CNTNAP4: variants seen among roughly 807,000 people sequenced by gnomAD.
CNTNAP4 encodes the protein contactin associated protein family member 4.
CNTNAP4 carries 98 observed loss-of-function variants against 148.4 expected under a neutral mutation model. The observed-to-expected ratio is 0.66, with a 90% CI of 0.56 to 0.78. The LOEUF (loss-of-function observed/expected upper bound fraction) is 0.78, where lower values mean the gene tolerates loss of function less well. Among genes scored for constraint, CNTNAP4 ranks in the 30% least tolerant of loss-of-function variants. The pLI, the probability that CNTNAP4 is intolerant of heterozygous loss-of-function variation, is 0.00. For missense variants in CNTNAP4, 1,935 were observed against 1,565.6 expected, an observed-to-expected ratio of 1.24 and a Z score of -3.98; for synonymous variants, 730 against 565.1, an observed-to-expected ratio of 1.29 and a Z score of -4.14.
At chr16:76,293,566 A>C (rs1037327059) in intron 1 of CNTNAP4, among the ~76,000 whole-genome samples, 3 of 152,104 alleles carry the variant, frequency 2.0e-5, no homozygotes, top group Non-Finnish European at 4.4e-5. Context: ...GGAATTAATT[A>C]ATTTGTTCTG....
chr16:76,364,722 TCCC>T (rs2013893944), intron 3 of CNTNAP4, among the ~76,000 whole-genome samples: 1 of 152,182 alleles, frequency 6.6e-6, no homozygotes, highest in Non-Finnish European at 1.5e-5. Flanking sequence ...AACTAATACT[TCCC>T]ATTCACTTTG....
chr16:76,419,040 C>T (rs535767922), intron 3 of CNTNAP4, among the ~76,000 whole-genome samples: 2 of 151,946 alleles, frequency 1.3e-5, no homozygotes, highest in African/African-American at 4.8e-5. Flanking sequence ...TGTGGTGGTT[C>T]GATGTGTAAG....
intron 4 of CNTNAP4, among the ~76,000 whole-genome samples, chr16:76,446,442 T>TA (rs1491579769): frequency 1.3e-5 from 2 of 152,168 alleles, no homozygotes; most frequent in Admixed American, 1.3e-4. Flanking sequence ...TTCCAAGTGT[T>TA]ATGAGTTCTT....
intron 3 of CNTNAP4, among the ~76,000 whole-genome samples, chr16:76,380,032 T>C (rs2015805594): frequency 6.6e-6 from 1 of 152,218 alleles, no homozygotes; most frequent in Admixed American, 6.5e-5. Context: ...GTCAGAATTA[T>C]GTGGTGAATG....
In CNTNAP4 at chr16:76,355,331, G is replaced by T; in HGVS notation, c.210G>T (p.Trp70Cys). 1 of 1,551,122 alleles carries T rather than the reference G, an allele frequency of 6.4e-7. No homozygotes were observed. Among genetic ancestry groups the T allele is most frequent in the Non-Finnish European group, 8.7e-7 (1 of 1,150,010 alleles). ...RLNRRDGAGG[W>C]SPLVSNKYQW... ...TTTTAATAAAAGGAGCTGGTGGCTG[G>T]TCTCCACTTGTGTCTAACAAATACC... The change falls in exon 3 of 24, where the codon TGG (tryptophan) becomes TGT (cysteine). Residue 70 changes from tryptophan to cysteine, a missense_variant. By Grantham distance (215) the Trp-to-Cys change is radical. Transcript: ENST00000611870.
At chr16:76,446,680 T>G (rs1021180359) in intron 4 of CNTNAP4, among the ~76,000 whole-genome samples, 6 of 152,238 alleles carry the variant, frequency 3.9e-5, no homozygotes, top group Non-Finnish European at 5.9e-5. Flanking sequence ...ACAATGTCCT[T>G]GAGAAGACAG....
At chr16:76,526,698 G>T (rs950861053) in intron 17 of CNTNAP4, among the ~76,000 whole-genome samples, 2 of 152,072 alleles carry the variant, frequency 1.3e-5, no homozygotes, top group Non-Finnish European at 2.9e-5. Flanking sequence ...TTTTGAGACA[G>T]AGTCTCACTA....
intron 9 of CNTNAP4, among the ~76,000 whole-genome samples, chr16:76,463,777 T>C (rs1023999271): frequency 6.6e-6 from 1 of 152,184 alleles, no homozygotes; most frequent in African/African-American, 2.4e-5. Flanking sequence ...TGATCTCCTA[T>C]GTAAATGCTC....
At chr16:76,333,770 G>T (rs1452894254) in intron 2 of CNTNAP4, among the ~76,000 whole-genome samples, 1 of 144,168 alleles carries the variant, frequency 6.9e-6, no homozygotes. Context: ...TTGCTTGTGT[G>T]GGTTATAGGT....
chr16:76,516,464 A>G (rs149896384), intron 15 of CNTNAP4, among the ~76,000 whole-genome samples: 23 of 152,296 alleles, frequency 1.5e-4, no homozygotes, highest in African/African-American at 4.8e-4. Flanking sequence ...GCTGGGTCAA[A>G]TGGTATTTCT....
At chr16:76,470,482 A>AATATATAT (rs67354977) in intron 10 of CNTNAP4, among the ~76,000 whole-genome samples, 6 of 96,994 alleles carry the variant, frequency 6.2e-5, no homozygotes, top group African/African-American at 2.8e-4. Context: ...CTCTACTAAT[A>AATATATAT]ATATATATAT....
Position 76,560,430 on chromosome 16 carries a change from CTT to C in CNTNAP4, c.*1749_*1750del, listed in dbSNP as rs1361672588. Among the ~76,000 whole-genome samples the C allele has an allele frequency of 6.6e-6, 1 of 152,180 alleles. No homozygotes were observed. Among genetic ancestry groups the C allele is most frequent in the Non-Finnish European group, 1.5e-5 (1 of 68,032 alleles). On this transcript the variant is annotated 3_prime_UTR_variant, in exon 24 of 24. Coordinates refer to ENST00000611870, the MANE Select transcript of CNTNAP4 (RefSeq NM_033401.5). ...GACCTATGTTGGTAGATGGTATACT[CTT>C]TGTTTGATTGGAAGATCTATGGTGA...
At chr16:76,281,580 A>G (rs1958689659) in intron 1 of CNTNAP4, among the ~76,000 whole-genome samples, 1 of 152,140 alleles carries the variant, frequency 6.6e-6, no homozygotes, top group South Asian at 2.1e-4. Context: ...TTTGGAATTT[A>G]TATCATATGT....
chr16:76,546,712 C>G (rs2084750800), intron 21 of CNTNAP4, among the ~76,000 whole-genome samples: 1 of 152,200 alleles, frequency 6.6e-6, no homozygotes, highest in African/African-American at 2.4e-5. Flanking sequence ...GAAAACCTGT[C>G]TTCCTTGAAA....
Position 76,393,939 on chromosome 16 carries a change from G to GA in CNTNAP4, c.391-33510dup, listed in dbSNP as rs1246736399. ...TTGCTTTATTTCATTTTCGCCAACA[G>GA]AAACTCTATTAGACTGTGAACGCTT... is the stretch of plus-strand genomic sequence containing the variant. On this transcript the variant is annotated intron_variant, in intron 3 of 23. Transcript: ENST00000611870. 3.3e-5 allele frequency among the ~76,000 whole-genome samples: 5 copies of GA among 152,324 alleles called. No homozygotes were observed. The East Asian group carries it at 5.8e-4, about 18-fold the overall frequency.
rs146086445 is a variant in CNTNAP4 at position 76,459,810 on chromosome 16, T to C, written c.1334-2146T>C. The stretch of plus-strand genomic sequence containing the variant: ...ACTGGTAAATTCACGACAAAGACTC[T>C]TAGATTTCACCTCTGCTCAACATTT... On this transcript the variant is annotated intron_variant, in intron 8 of 23. Transcript: ENST00000611870. Among the ~76,000 whole-genome samples the C allele has an allele frequency of 5.9e-5, 9 of 152,244 alleles. No individual in the cohort carries two copies. In the East Asian group the frequency reaches 1.5e-3, roughly 26 times the overall value.
chr16:76,316,153 C>A (rs1321972344), intron 1 of CNTNAP4: 2 of 537,454 alleles, frequency 3.7e-6, no homozygotes, highest in South Asian at 3.0e-5. Flanking sequence ...GAGGTATAAT[C>A]TTTTCTACCT....
chr16:76,498,147 T>A (rs1454089111), intron 14 of CNTNAP4, among the ~76,000 whole-genome samples: 2 of 152,188 alleles, frequency 1.3e-5, no homozygotes, highest in African/African-American at 4.8e-5. Flanking sequence ...TCCCCGCACT[T>A]CGGGAGGCTG....
chr16:76,357,467 A>T (rs1167516987), intron 3 of CNTNAP4, among the ~76,000 whole-genome samples: 1 of 152,212 alleles, frequency 6.6e-6, no homozygotes, highest in Non-Finnish European at 1.5e-5. Context: ...TGATATCCTT[A>T]CTAGTCCAAA....
Sources: gnomAD v4.1 joint callset for allele counts (sites outside exome capture counted in the v4.1 genomes callset) on GRCh38, gnomAD v4.1.1 for gene constraint, MANE v1.5 for transcripts, NCBI Gene and HGNC (gene_info 2026-07-23, HGNC 2026-07-21) for gene names.